Variants in KCNT1 observed in about 807,000 individuals in gnomAD.
KCNT1 encodes potassium channel subfamily T member 1.
In KCNT1, 78 loss-of-function variants were observed where a neutral mutation model predicts 147.8. The observed-to-expected ratio is 0.53, with a 90% CI of 0.44 to 0.64. KCNT1 has a LOEUF of 0.64. KCNT1 is among the 30% of genes least tolerant of loss of function. The probability of loss-of-function intolerance (pLI) is 0.00; values close to 1 mark genes in which losing one functional copy is unlikely to be tolerated. For missense variants in KCNT1, 1,419 were observed against 1,750.3 expected, an observed-to-expected ratio of 0.81 and a Z score of 3.38; for synonymous variants, 867 against 748.8, an observed-to-expected ratio of 1.16 and a Z score of -2.58.
intron 15 of KCNT1, among the ~76,000 whole-genome samples, chr9:135,769,341 G>A (rs572071898): frequency 9.2e-4 from 140 of 152,168 alleles, no homozygotes; most frequent in African/African-American, 3.2e-3. Context: ...GGGGCAGGGC[G>A]CATGTGCACG....
chr9:135,772,572 T>C (rs369538261), intron 18 of KCNT1, 143 bp from the exon 19 acceptor site: 216 of 499,616 alleles, frequency 4.3e-4, no homozygotes, highest in African/African-American at 2.8e-3. Context: ...AACTGAGGCA[T>C]AGATTGAAGC....
At chr9:135,756,128 C>T (rs1564350577) in intron 6 of KCNT1, among the ~76,000 whole-genome samples, 1 of 150,702 alleles carries the variant, frequency 6.6e-6, no homozygotes, top group Non-Finnish European at 1.5e-5. Flanking sequence ...GACAGACAGG[C>T]TCAGTAAGTA....
rs1465572893 is a variant in KCNT1, at chr9:135,768,253, G to T, written c.1338-357G>T. On this transcript the variant is annotated intron_variant, in intron 13 of 30. Coordinates refer to ENST00000371757, the MANE Select transcript of KCNT1 (RefSeq NM_020822.3). Reference sequence around the variant, plus strand: ...CCAGGATGCCTGCGGGGGGGGGGGGGGGGGCACTGGGATACCGGTGGGGGG... The same window carrying T: ...CCAGGATGCCTGCGGGGGGGGGGGGTGGGGCACTGGGATACCGGTGGGGGG... 5.4e-5 allele frequency among the ~76,000 whole-genome samples: 2 copies of T among 37,226 alleles called. 1 individual carries two copies. The highest frequency in any genetic ancestry group is 1.4e-4 in the African/African-American group (2 of 14,442). The allele number at this position is 37,226 out of a possible 152,430, so 24.4% of individuals were successfully genotyped here.
intron 2 of KCNT1, among the ~76,000 whole-genome samples, chr9:135,739,401 G>A (rs891157173): frequency 4.8e-5 from 7 of 146,616 alleles, no homozygotes; most frequent in African/African-American, 7.7e-5. Flanking sequence ...CAAGCCCCTC[G>A]CCCTGATGTT....
chr9:135,772,982 G>C (rs1387144006), intron 19 of KCNT1, 33 bp downstream of exon 19: 25 of 1,401,610 alleles, frequency 1.8e-5, no homozygotes, highest in Middle Eastern at 2.1e-4. Flanking sequence ...CTCCCAGTGG[G>C]GGGAGGAGCC....
chr9:135,758,782 G>A (rs1041752328), intron 10 of KCNT1, among the ~76,000 whole-genome samples: 3 of 152,236 alleles, frequency 2.0e-5, no homozygotes, highest in Non-Finnish European at 4.4e-5. Flanking sequence ...CATGGACGTA[G>A]AGAAGGGGAC....
At chr9:135,777,670 T>TTCCTGCTCCCAACTCC (rs1240215498) in intron 21 of KCNT1, among the ~76,000 whole-genome samples, 160 bp downstream of exon 21, 1 of 151,092 alleles carries the variant, frequency 6.6e-6, no homozygotes, top group Admixed American at 6.6e-5. Context: ...GGGACTCTCC[T>TTCCTGCTCCCAACTCC]TCCTGCTCCC....
In KCNT1 at chr9:135,777,448, A is replaced by G. The variant is rs1219349050; in HGVS notation, c.2460A>G (p.Pro820=). Residue 820 remains proline (P), a synonymous_variant, in exon 21 of 31, where the codon CCA becomes CCG. Transcript: ENST00000371757. ...AGNGLYNFIV[P]LRAYYRSRKE... ...ATGGGCTGTACAACTTCATCGTGCC[A>G]CTGCGGGCCTACTACAGATCCCGCA... 2.5e-6 allele frequency: 4 copies of G among 1,613,920 alleles called. No individual in the cohort carries two copies. The African/African-American group carries it at 5.3e-5, about 22-fold the overall frequency.
chr9:135,749,337 A>T (rs1373965351), intron 2 of KCNT1, among the ~76,000 whole-genome samples: 2 of 152,182 alleles, frequency 1.3e-5, no homozygotes, highest in Non-Finnish European at 2.9e-5. Context: ...ACCCCCGGCA[A>T]CTGGCACACT....
intron 1 of KCNT1, among the ~76,000 whole-genome samples, chr9:135,707,612 C>T (rs1266013566): frequency 6.6e-6 from 1 of 152,124 alleles, no homozygotes; most frequent in Non-Finnish European, 1.5e-5. Flanking sequence ...GCCATCTGAC[C>T]CTGAGTGACC....
Position 135,778,431 on chromosome 9 carries a change from C to T in KCNT1, c.2530C>T (p.His844Tyr), listed in dbSNP as rs1206329448. The T allele has an allele frequency of 1.9e-6, 3 of 1,551,164 alleles. No individual in the cohort carries two copies. The highest frequency in any genetic ancestry group is 2.0e-5 in the Admixed American group (1 of 51,004). ...IVLLLDNKPD[H>Y]HFLEAICCFP... ...GGACCGCTGTCCCCACAGGCCCGAC[C>T]ACCACTTCCTGGAAGCCATCTGCTG... The change falls in exon 22 of 31, where the codon CAC becomes TAC. Residue 844 changes from histidine to tyrosine, a missense_variant. Coordinates refer to ENST00000371757, the MANE Select transcript of KCNT1 (RefSeq NM_020822.3).
rs146573090 is a variant in KCNT1 at position 135,745,193 on chromosome 9, G to A, written c.255-4905G>A. Among the ~76,000 whole-genome samples the A allele has an allele frequency of 3.9e-5, 6 of 152,344 alleles. No homozygotes were observed. The East Asian group carries it at 1.2e-3, about 29-fold the overall frequency. ...TGGATGAGAATGGACACAGGAAGTAGATTCTTCTGCCCCGTCCTTGCCTAT... is the reference window on the plus strand; with the variant it reads ...TGGATGAGAATGGACACAGGAAGTAAATTCTTCTGCCCCGTCCTTGCCTAT... On this transcript the variant is annotated intron_variant, in intron 2 of 30. Coordinates refer to ENST00000371757, the MANE Select transcript of KCNT1 (RefSeq NM_020822.3).
chr9:135,784,213 T>A (rs879088191), intron 25 of KCNT1, 88 bp downstream of exon 25: 6 of 1,022,528 alleles, frequency 5.9e-6, no homozygotes, highest in Non-Finnish European at 9.1e-6. Context: ...CTGTTCTGAA[T>A]GATAGGACTC....
intron 1 of KCNT1, among the ~76,000 whole-genome samples, chr9:135,704,213 TC>T (rs1306367254): frequency 1.3e-5 from 2 of 151,078 alleles, no homozygotes; most frequent in Admixed American, 6.6e-5. Context: ...GGCCCTGGAG[TC>T]CATAGGTCTT....
intron 1 of KCNT1, 120 bp downstream of exon 1, chr9:135,702,488 C>T (rs1359956237): frequency 9.6e-6 from 8 of 836,252 alleles, no homozygotes; most frequent in Non-Finnish European, 1.6e-5. Flanking sequence ...TCCAACTTCC[C>T]CAGGACCCGC....
intron 15 of KCNT1, among the ~76,000 whole-genome samples, chr9:135,769,471 C>G (rs1392839251): frequency 6.6e-6 from 1 of 152,126 alleles, no homozygotes; most frequent in Non-Finnish European, 1.5e-5. Context: ...CGAGAAGGGA[C>G]CTAGGGGGTC....
chr9:135,711,697 C>T (rs554109888), intron 1 of KCNT1, among the ~76,000 whole-genome samples: 3 of 152,230 alleles, frequency 2.0e-5, no homozygotes, highest in Non-Finnish European at 2.9e-5. Context: ...CTGCCTCGCT[C>T]ATTCTTGGCC....
chr9:135,768,719 G>T, intron 14 of KCNT1, 46 bp downstream of exon 14: 2 of 1,538,796 alleles, frequency 1.3e-6, no homozygotes, highest in Non-Finnish European at 1.8e-6. Context: ...GCACCGTGGG[G>T]CCGGGGAGCG....
At chr9:135,711,958 A>T (rs923361052) in intron 1 of KCNT1, among the ~76,000 whole-genome samples, 3 of 152,208 alleles carry the variant, frequency 2.0e-5, no homozygotes, top group African/African-American at 7.2e-5. Context: ...AGGCATCAGT[A>T]TCTCCCTTCA....
Sources: gnomAD v4.1 joint callset for allele counts (sites outside exome capture counted in the v4.1 genomes callset) on GRCh38, gnomAD v4.1.1 for gene constraint, MANE v1.5 for transcripts, NCBI Gene and HGNC (gene_info 2026-07-23, HGNC 2026-07-21) for gene names.